The following GALNTL6 variants were observed in gnomAD, a reference collection of about 807,000 sequenced individuals.
The protein encoded by GALNTL6 is polypeptide N-acetylgalactosaminyltransferase-like 6.
Under a neutral mutation model 73.7 loss-of-function variants are expected in GALNTL6, and 46 were observed. The ratio of observed to expected loss-of-function variants is 0.62; its 90% CI spans 0.49 to 0.80. The LOEUF (loss-of-function observed/expected upper bound fraction) is 0.80, where lower values mean the gene tolerates loss of function less well. Among genes scored for constraint, GALNTL6 ranks in the 30% least tolerant of loss-of-function variants. The pLI is 0.00. For missense variants in GALNTL6, 604 were observed against 755.0 expected (o/e 0.80, Z 2.34); for synonymous variants, 259 against 263.7 (o/e 0.98, Z 0.17).
chr4:172,348,388 G>A (rs1360486066), intron 4 of GALNTL6, 135 bp from the exon 5 acceptor site: 1 of 637,562 alleles, frequency 1.6e-6, no homozygotes, highest in Non-Finnish European at 2.7e-6. Context: ...CAATCATGCT[G>A]TACAAACTCT....
intron 5 of GALNTL6, among the ~76,000 whole-genome samples, chr4:172,389,550 A>G (rs1240640296): frequency 6.6e-6 from 1 of 152,164 alleles, no homozygotes; most frequent in Admixed American, 6.5e-5. Flanking sequence ...AGTAATTGAA[A>G]TAAAATGAGT....
chr4:172,482,013 C>A (rs1439041609), intron 5 of GALNTL6, among the ~76,000 whole-genome samples: 1 of 152,200 alleles, frequency 6.6e-6, no homozygotes, highest in African/African-American at 2.4e-5. Flanking sequence ...GCAAGCCCCA[C>A]CCCACCGGGA....
intron 2 of GALNTL6, among the ~76,000 whole-genome samples, chr4:171,978,863 T>C (rs1342137940): frequency 6.6e-6 from 1 of 151,972 alleles, no homozygotes; most frequent in Non-Finnish European, 1.5e-5. Context: ...TTTAGATAGA[T>C]GATAGATTTG....
At chr4:172,764,263 A>G (rs1405047048) in intron 5 of GALNTL6, among the ~76,000 whole-genome samples, 1 of 152,162 alleles carries the variant, frequency 6.6e-6, no homozygotes, top group Non-Finnish European at 1.5e-5. Flanking sequence ...GGCCAGTGTT[A>G]TTTTTTTCTA....
At chr4:172,486,020 A>C (rs1733652146) in intron 5 of GALNTL6, among the ~76,000 whole-genome samples, 1 of 152,204 alleles carries the variant, frequency 6.6e-6, no homozygotes, top group South Asian at 2.1e-4. Context: ...ATTTTTAAAC[A>C]AATATTTTGC....
chr4:171,995,992 T>A (rs531999293), intron 2 of GALNTL6, among the ~76,000 whole-genome samples: 2 of 152,166 alleles, frequency 1.3e-5, no homozygotes, highest in South Asian at 4.1e-4. Flanking sequence ...GCATGAAATT[T>A]TCATTTTCCA....
chr4:171,896,030 C>A (rs190935453), intron 2 of GALNTL6, among the ~76,000 whole-genome samples: 1 of 152,010 alleles, frequency 6.6e-6, no homozygotes, highest in African/African-American at 2.4e-5. Flanking sequence ...ATAAACAGAG[C>A]CTCCAAATAT....
intron 2 of GALNTL6, among the ~76,000 whole-genome samples, chr4:172,041,245 G>A (rs764840611): frequency 5.9e-5 from 9 of 152,046 alleles, no homozygotes; most frequent in South Asian, 2.1e-4. Context: ...TTAAAATGGC[G>A]TTATTCTTTG....
At chr4:172,900,666 T>G (rs1746579527) in intron 8 of GALNTL6, among the ~76,000 whole-genome samples, 1 of 152,194 alleles carries the variant, frequency 6.6e-6, no homozygotes, top group South Asian at 2.1e-4. Flanking sequence ...AAAATGGCAT[T>G]GCTGTATTTG....
At chr4:172,008,051 T>C (rs1380146086) in intron 2 of GALNTL6, among the ~76,000 whole-genome samples, 2 of 152,084 alleles carry the variant, frequency 1.3e-5, no homozygotes, top group Admixed American at 6.6e-5. Context: ...AACAGAATAA[T>C]TATATTTTGT....
chr4:172,877,182 T>G (rs903329425), intron 7 of GALNTL6, among the ~76,000 whole-genome samples: 5 of 152,178 alleles, frequency 3.3e-5, no homozygotes, highest in Non-Finnish European at 5.9e-5. Context: ...TATGTTTATC[T>G]TTAAATATGA....
At chr4:172,051,118 C>A (rs1390164589) in intron 2 of GALNTL6, among the ~76,000 whole-genome samples, 1 of 152,096 alleles carries the variant, frequency 6.6e-6, no homozygotes, top group Non-Finnish European at 1.5e-5. Flanking sequence ...GACCCCCCTA[C>A]AGGATGTGTG....
chr4:172,228,489 G>A (rs567883322), intron 2 of GALNTL6, among the ~76,000 whole-genome samples: 2 of 152,060 alleles, frequency 1.3e-5, no homozygotes, highest in East Asian at 1.9e-4. Context: ...TCTTTTATAA[G>A]CTATGAAGAT....
intron 5 of GALNTL6, among the ~76,000 whole-genome samples, chr4:172,695,314 A>T (rs1419382092): frequency 6.6e-6 from 1 of 152,234 alleles, no homozygotes; most frequent in Non-Finnish European, 1.5e-5. Flanking sequence ...CTTTTGTATA[A>T]CTGATTCATT....
At position 172,369,832 on chromosome 4, in the gene GALNTL6, G is replaced by A. The variant is rs561817618; in HGVS notation, c.553+21143G>A. Among the ~76,000 whole-genome samples the A allele has an allele frequency of 5.9e-5, 9 of 152,136 alleles. 1 individual carries two copies. In the South Asian group the frequency reaches 8.4e-4, roughly 14 times the overall value. On this transcript the variant is annotated intron_variant, in intron 5 of 12. Transcript: ENST00000506823. Reference sequence around the variant, plus strand: ...GTGCACGAGCACCTCATGCAGCCCCGGTTCCCACCCACGCCTCTCCCTCCA... The same window carrying A: ...GTGCACGAGCACCTCATGCAGCCCCAGTTCCCACCCACGCCTCTCCCTCCA...
intron 5 of GALNTL6, among the ~76,000 whole-genome samples, chr4:172,747,867 T>C (rs1737199353): frequency 6.9e-6 from 1 of 145,852 alleles, no homozygotes; most frequent in Non-Finnish European, 1.5e-5. Flanking sequence ...GGAAAATACA[T>C]GTCATCATTT....
At chr4:171,865,072 G>A (rs565596698) in intron 2 of GALNTL6, among the ~76,000 whole-genome samples, 2 of 151,958 alleles carry the variant, frequency 1.3e-5, no homozygotes, top group East Asian at 3.9e-4. Flanking sequence ...CTTGACCCCG[G>A]GAGGCGGAGA....
intron 2 of GALNTL6, among the ~76,000 whole-genome samples, chr4:171,845,617 T>C (rs1473391133): frequency 1.3e-5 from 2 of 152,032 alleles, no homozygotes; most frequent in African/African-American, 4.8e-5. Context: ...ATGTGCTCTC[T>C]ACAACCGATT....
At chr4:172,379,259 G>A (rs1330091325) in intron 5 of GALNTL6, among the ~76,000 whole-genome samples, 8 of 152,158 alleles carry the variant, frequency 5.3e-5, no homozygotes, top group African/African-American at 1.2e-4. Context: ...GGCCGGGCGC[G>A]GTGGCTCACG....
Sources: gnomAD v4.1 joint callset for allele counts (sites outside exome capture counted in the v4.1 genomes callset) on GRCh38, gnomAD v4.1.1 for gene constraint, MANE v1.5 for transcripts, NCBI Gene and HGNC (gene_info 2026-07-23, HGNC 2026-07-21) for gene names.